TMEM74: variants seen among roughly 807,000 people sequenced by gnomAD.
TMEM74 encodes the protein transmembrane protein 74.
In TMEM74, 13 loss-of-function variants were observed where a neutral mutation model predicts 18.1. The ratio of observed to expected loss-of-function variants is 0.72; its 90% CI spans 0.47 to 1.14. TMEM74 has a LOEUF of 1.14. TMEM74 is among the 50% of genes most tolerant of loss of function. The probability of loss-of-function intolerance (pLI) is 0.00; values close to 1 mark genes in which losing one functional copy is unlikely to be tolerated. For missense variants in TMEM74, 372 were observed against 375.9 expected (o/e 0.99, Z 0.09); for synonymous variants, 159 against 146.6 (o/e 1.08, Z -0.61).
At chr8:108,721,568 C>G (rs1813587455) in intron 1 of TMEM74, among the ~76,000 whole-genome samples, 1 of 152,224 alleles carries the variant, frequency 6.6e-6, no homozygotes, top group African/African-American at 2.4e-5. Context: ...ATTTTCTCCT[C>G]CCCAGTCTCA....
intron 1 of TMEM74, among the ~76,000 whole-genome samples, chr8:108,681,268 A>G (rs1813111832): frequency 6.6e-6 from 1 of 152,182 alleles, no homozygotes; most frequent in African/African-American, 2.4e-5. Flanking sequence ...TTCAAACTAT[A>G]CTACAAGGCT....
chr8:108,620,879 G>A (rs1812433096), intron 2 of TMEM74, among the ~76,000 whole-genome samples: 1 of 152,108 alleles, frequency 6.6e-6, no homozygotes, highest in Admixed American at 6.6e-5. Flanking sequence ...GTGATATTGT[G>A]AGAATGATCA....
At chr8:108,720,926 G>A (rs1586273290) in intron 1 of TMEM74, among the ~76,000 whole-genome samples, 2 of 151,898 alleles carry the variant, frequency 1.3e-5, no homozygotes, top group Admixed American at 1.3e-4. Flanking sequence ...CCACCACCAC[G>A]CTTGGCTAAT....
Position 108,780,478 on chromosome 8 carries a change from C to G in TMEM74, c.*3703G>C, listed in dbSNP as rs1432213048. 6.6e-6 allele frequency among the ~76,000 whole-genome samples: 1 copy of G among 152,098 alleles called. No homozygotes were observed. Among genetic ancestry groups the G allele is most frequent in the African/African-American group, 2.4e-5 (1 of 41,406 alleles). On this transcript the variant is annotated 3_prime_UTR_variant, in exon 2 of 2. Transcript: ENST00000297459. ...ATTTAACTAGCATGGTGCTCAGTCA[C>G]TCATTTATCAAGATTAAGTCACCCC...
intron 1 of TMEM74, among the ~76,000 whole-genome samples, chr8:108,736,097 C>G (rs113141177): frequency 1.3e-5 from 2 of 152,104 alleles, no homozygotes; most frequent in African/African-American, 4.8e-5. Context: ...TCCCTAGTTT[C>G]TAACCTCAGC....
rs1814297792 is a variant in TMEM74 at position 108,780,895 on chromosome 8, G to A, written c.*3286C>T. ...TGCTTTAAGAGCTCCCAATGGGTGG[G>A]AAGGACACACAGCGCTGCAAAGAAA... On this transcript the variant is annotated 3_prime_UTR_variant, in exon 2 of 2. Coordinates refer to ENST00000297459, the MANE Select transcript of TMEM74 (RefSeq NM_153015.3). Among the ~76,000 whole-genome samples the A allele has an allele frequency of 6.6e-6, 1 of 152,132 alleles. No homozygotes were observed. The highest frequency in any genetic ancestry group is 1.5e-5 in the Non-Finnish European group (1 of 68,022).
intron 1 of TMEM74, among the ~76,000 whole-genome samples, chr8:108,738,678 C>T (rs1271224617): frequency 6.6e-6 from 1 of 152,078 alleles, no homozygotes; most frequent in Non-Finnish European, 1.5e-5. Flanking sequence ...TCTGCATCAG[C>T]CCTGTACTCC....
chr8:108,740,835 G>T lies in TMEM74; in HGVS notation n.119+46641C>A, dbSNP rs530811780. On this transcript the variant is annotated intron_variant and non_coding_transcript_variant, in intron 1 of 3. Coordinates refer to the TMEM74 transcript ENST00000518838. ...CTACCCTAAAAACCAATAAGTTCTT[G>T]TCTATGATTTGAAGAAACTTGCACA... Among the ~76,000 whole-genome samples, 13 of 152,244 alleles carry T rather than the reference G, an allele frequency of 8.5e-5. No homozygotes were observed. In the East Asian group the frequency reaches 2.5e-3, roughly 29 times the overall value.
chr8:108,778,267 A>T (rs1260640832), downstream of TMEM74, among the ~76,000 whole-genome samples: 1 of 152,194 alleles, frequency 6.6e-6, no homozygotes, highest in Non-Finnish European at 1.5e-5. Context: ...CTATATGACT[A>T]GTCCTGACTA....
At chr8:108,611,642 AT>A (rs1270781183) in intron 2 of TMEM74, among the ~76,000 whole-genome samples, 1 of 152,174 alleles carries the variant, frequency 6.6e-6, no homozygotes, top group East Asian at 1.9e-4. Flanking sequence ...GTTGTTGCCG[AT>A]TTTTAATTCT....
chr8:108,693,390 A>G (rs1040071411), intron 1 of TMEM74, among the ~76,000 whole-genome samples: 2 of 152,198 alleles, frequency 1.3e-5, no homozygotes, highest in African/African-American at 4.8e-5. Flanking sequence ...CATACACTCA[A>G]TCTCCGTATC....
chr8:108,778,922 C>T (rs1016010484), downstream of TMEM74, among the ~76,000 whole-genome samples: 1 of 152,010 alleles, frequency 6.6e-6, no homozygotes, highest in Admixed American at 6.6e-5. Context: ...AAAAATAAGG[C>T]ACAGTCTACA....
chr8:108,637,295 T>C (rs977012529), intron 2 of TMEM74, among the ~76,000 whole-genome samples: 1 of 152,120 alleles, frequency 6.6e-6, no homozygotes, highest in East Asian at 1.9e-4. Context: ...ATTTATTATA[T>C]AATTTTTTAA....
chr8:108,772,724 G>T (rs149772399), intron 1 of TMEM74, among the ~76,000 whole-genome samples: 22 of 152,108 alleles, frequency 1.4e-4, no homozygotes, highest in South Asian at 4.2e-4. Flanking sequence ...GGGTGGGAAG[G>T]CTCAGCTACA....
At chr8:108,739,247 T>C (rs1438495531) in intron 1 of TMEM74, among the ~76,000 whole-genome samples, 3 of 152,294 alleles carry the variant, frequency 2.0e-5, no homozygotes, top group Non-Finnish European at 4.4e-5. Context: ...AATCCTAGAA[T>C]AGATACTGAA....
At chr8:108,718,860 T>G (rs1420846910) in intron 1 of TMEM74, among the ~76,000 whole-genome samples, 1 of 152,048 alleles carries the variant, frequency 6.6e-6, no homozygotes. Flanking sequence ...AGTTTAAATG[T>G]GCTCATTTTT....
intron 2 of TMEM74, among the ~76,000 whole-genome samples, chr8:108,644,420 C>T (rs1812695743): frequency 6.6e-6 from 1 of 152,002 alleles, no homozygotes; most frequent in African/African-American, 2.4e-5. Flanking sequence ...GAAGAAAACT[C>T]CATTCTGGAC....
At chr8:108,770,374 A>G (rs1030252119) in intron 1 of TMEM74, among the ~76,000 whole-genome samples, 1 of 152,216 alleles carries the variant, frequency 6.6e-6, no homozygotes, top group Admixed American at 6.5e-5. Flanking sequence ...AGAATCTTAT[A>G]GGCCTTTTAA....
intron 1 of TMEM74, among the ~76,000 whole-genome samples, chr8:108,773,220 T>C (rs10104551): frequency 0.98 from 148,830 of 152,174 alleles, 72,798 homozygotes; most frequent in East Asian, 1. Flanking sequence ...ACCCACAGAC[T>C]TGTTTCCTTC....
Sources: allele counts gnomAD v4.1 joint callset (sites outside exome capture counted in the v4.1 genomes callset), GRCh38; gene constraint gnomAD v4.1.1; transcripts MANE v1.5; gene names NCBI Gene and HGNC (gene_info 2026-07-23, HGNC 2026-07-21).